Variants in CD80 observed in about 807,000 individuals in gnomAD.
CD80 encodes T-lymphocyte activation antigen CD80.
Under a neutral mutation model 27.1 loss-of-function variants are expected in CD80, and 13 were observed. The ratio of observed to expected loss-of-function variants is 0.48; its 90% CI spans 0.31 to 0.76. The LOEUF (loss-of-function observed/expected upper bound fraction) is 0.76. CD80 is among the 30% of genes least tolerant of loss of function. The pLI is 0.04. For missense variants in CD80, 277 were observed against 347.9 expected (o/e 0.80, Z 1.62); for synonymous variants, 125 against 125.5 (o/e 1.00, Z 0.03).
chr3:119,538,713 T>A (rs1002773375), intron 3 of CD80, among the ~76,000 whole-genome samples: 1 of 152,186 alleles, frequency 6.6e-6, no homozygotes, highest in African/African-American at 2.4e-5. Flanking sequence ...CTAAACTCAA[T>A]ACATAAATAG....
chr3:119,555,424 C>T (rs146792667), intron 2 of CD80, among the ~76,000 whole-genome samples: 1 of 152,318 alleles, frequency 6.6e-6, no homozygotes, highest in African/African-American at 2.4e-5. Context: ...TTTAGCAAAA[C>T]CCCCAGGCTA....
At chr3:119,536,109 A>G (rs1034930908) in intron 4 of CD80, among the ~76,000 whole-genome samples, 1 of 151,634 alleles carries the variant, frequency 6.6e-6, no homozygotes, top group Admixed American at 6.6e-5. Context: ...AAATTAGCCG[A>G]GGGTGGTGGC....
At position 119,557,873 on chromosome 3, in the gene CD80, A is replaced by G. The variant is rs988728604; in HGVS notation, c.-145T>C. ...CCCTCCAGTGATGTTTACAAAACAC[A>G]CAGAGATTGGAGGGTGTTCCTGGGT... On this transcript the variant is annotated 5_prime_UTR_variant, in exon 2 of 7. Transcript: ENST00000264246. The G allele has an allele frequency of 2.2e-6, 1 of 455,448 alleles. No homozygotes were observed. 28.2% of individuals were successfully genotyped at this position (455,448 alleles called of 1,614,324 possible). A position where few individuals can be genotyped will look rare whatever the true frequency, so the allele number is the denominator to read the frequency against.
chr3:119,555,526 A>G (rs145596851), intron 2 of CD80, among the ~76,000 whole-genome samples: 82 of 152,320 alleles, frequency 5.4e-4, no homozygotes, highest in Non-Finnish European at 9.4e-4. Flanking sequence ...ATGCGGATTC[A>G]TGATTATAAC....
chr3:119,528,225 T>C (rs554789727), intron 5 of CD80, among the ~76,000 whole-genome samples: 1 of 152,282 alleles, frequency 6.6e-6, no homozygotes, highest in South Asian at 2.1e-4. Context: ...ATTAGAAACA[T>C]CCTTGAGCCC....
intron 2 of CD80, among the ~76,000 whole-genome samples, chr3:119,554,350 G>C (rs2082251337): frequency 6.6e-6 from 1 of 152,078 alleles, no homozygotes; most frequent in African/African-American, 2.4e-5. Flanking sequence ...TACATCTCTT[G>C]CCTCCTCCTA....
intron 2 of CD80, among the ~76,000 whole-genome samples, chr3:119,545,605 C>T (rs751272325): frequency 1.3e-5 from 2 of 152,072 alleles, no homozygotes; most frequent in Non-Finnish European, 2.9e-5. Context: ...CAGTAACAGC[C>T]TGTTTATGAT....
At chr3:119,547,059 G>A (rs2082206077) in intron 2 of CD80, among the ~76,000 whole-genome samples, 1 of 152,112 alleles carries the variant, frequency 6.6e-6, no homozygotes, top group South Asian at 2.1e-4. Context: ...AAAGCTCTCA[G>A]GACTGCCTAC....
At chr3:119,536,811 T>G (rs2082141651) in intron 4 of CD80, among the ~76,000 whole-genome samples, 1 of 152,218 alleles carries the variant, frequency 6.6e-6, no homozygotes, top group African/African-American at 2.4e-5. Context: ...TCCCATAAAA[T>G]TATAATACCG....
rs895369304 is a variant in CD80, at chr3:119,553,846, C to T, written c.100+3783G>A. Among the ~76,000 whole-genome samples the T allele has an allele frequency of 1.3e-5, 2 of 152,244 alleles. 1 individual carries two copies. The highest frequency in any genetic ancestry group is 4.1e-4 in the South Asian group (2 of 4,834). On this transcript the variant is annotated intron_variant, in intron 2 of 6. Coordinates refer to ENST00000264246, the MANE Select transcript of CD80 (RefSeq NM_005191.4). ...AAAGCGTGAAAGTCACCTATTGTCT[C>T]ACCACCTGGAGATTTTACCGTTCCT...
chr3:119,558,974 C>T (rs565545883), intron 1 of CD80, among the ~76,000 whole-genome samples: 4 of 152,182 alleles, frequency 2.6e-5, no homozygotes, highest in South Asian at 4.1e-4. Context: ...GTTCCAGCCA[C>T]GCCATATTGT....
At chr3:119,541,825 C>A (rs1039802820) in intron 3 of CD80, among the ~76,000 whole-genome samples, 3 of 152,218 alleles carry the variant, frequency 2.0e-5, no homozygotes, top group African/African-American at 7.2e-5. Flanking sequence ...ACCCTCGGTT[C>A]TGAGTACCCC....
intron 3 of CD80, among the ~76,000 whole-genome samples, chr3:119,542,686 C>T (rs999545862): frequency 1.2e-4 from 19 of 152,292 alleles, no homozygotes; most frequent in Admixed American, 1.2e-3. Context: ...TTTGTTCACT[C>T]CTGGGTGTAG....
chr3:119,544,181 C>T (rs1229605930), intron 3 of CD80, among the ~76,000 whole-genome samples: 1 of 152,188 alleles, frequency 6.6e-6, no homozygotes, highest in Non-Finnish European at 1.5e-5. Flanking sequence ...AGCCACCATA[C>T]CCAGCCCCGT....
At chr3:119,545,747 C>CT (rs1560057071) in intron 2 of CD80, among the ~76,000 whole-genome samples, 1 of 151,678 alleles carries the variant, frequency 6.6e-6, no homozygotes, top group Non-Finnish European at 1.5e-5. Context: ...CACCCCCCCC[C>CT]ACATTTTGTT....
At chr3:119,539,828 A>C (rs961263396) in intron 3 of CD80, among the ~76,000 whole-genome samples, 1 of 152,234 alleles carries the variant, frequency 6.6e-6, no homozygotes, top group Non-Finnish European at 1.5e-5. Context: ...TTTTAAAACC[A>C]GTTCTGCCTT....
chr3:119,548,699 C>T (rs1211733412), intron 2 of CD80, among the ~76,000 whole-genome samples: 1 of 152,096 alleles, frequency 6.6e-6, no homozygotes, highest in Non-Finnish European at 1.5e-5. Flanking sequence ...ACTGTCCCCA[C>T]CCACCCCAAT....
At chr3:119,556,335 T>C (rs1232911127) in intron 2 of CD80, among the ~76,000 whole-genome samples, 2 of 152,150 alleles carry the variant, frequency 1.3e-5, no homozygotes, top group Admixed American at 6.6e-5. Flanking sequence ...ACTTTTTTTA[T>C]TGTTCTCCCT....
Position 119,525,229 on chromosome 3 carries a change from A to G in CD80, c.*559T>C, listed in dbSNP as rs182900553. 6.6e-6 allele frequency: 1 copy of G among 152,210 alleles called. No homozygotes were observed. The highest frequency in any genetic ancestry group is 1.5e-5 in the Non-Finnish European group (1 of 68,034). 9.4% of individuals were successfully genotyped at this position (152,210 alleles called of 1,614,324 possible). A position where few individuals can be genotyped will look rare whatever the true frequency, so the allele number is the denominator to read the frequency against. On this transcript the variant is annotated 3_prime_UTR_variant, in exon 7 of 7. Coordinates refer to ENST00000264246, the MANE Select transcript of CD80 (RefSeq NM_005191.4). ...CCAATAATATTTCCATTAGTCTCCTAAAGATGTTCATGCCATACTTCCTAT... is the reference window on the plus strand; with the variant it reads ...CCAATAATATTTCCATTAGTCTCCTGAAGATGTTCATGCCATACTTCCTAT...
Sources: allele counts gnomAD v4.1 joint callset (sites outside exome capture counted in the v4.1 genomes callset), GRCh38; gene constraint gnomAD v4.1.1; transcripts MANE v1.5; gene names NCBI Gene and HGNC (gene_info 2026-07-23, HGNC 2026-07-21).